PCDH15: variants seen among roughly 807,000 people sequenced by gnomAD.
PCDH15 encodes protocadherin related 15.
PCDH15 carries 129 observed loss-of-function variants against 178.5 expected under a neutral mutation model. That is an observed-to-expected ratio of 0.72 (90% CI 0.63 to 0.84). The LOEUF (loss-of-function observed/expected upper bound fraction) is 0.84, where lower values mean the gene tolerates loss of function less well. Ranked by LOEUF, PCDH15 falls within the 40% of genes least tolerant of loss-of-function variation. The pLI, the probability that PCDH15 is intolerant of heterozygous loss-of-function variation, is 0.00. For missense variants in PCDH15, 2,230 were observed against 2,099.9 expected (o/e 1.06, Z -1.21); for synonymous variants, 800 against 732.0 (o/e 1.09, Z -1.50).
intron 2 of PCDH15, among the ~76,000 whole-genome samples, chr10:54,625,028 G>A (rs1286697626): frequency 6.6e-6 from 1 of 152,024 alleles, no homozygotes; most frequent in African/African-American, 2.4e-5. Flanking sequence ...CACCCCACTG[G>A]GTCCGTAGAA....
chr10:54,867,329 G>A (rs1953959204), intron 3 of PCDH15, among the ~76,000 whole-genome samples: 1 of 152,056 alleles, frequency 6.6e-6, no homozygotes, highest in African/African-American at 2.4e-5. Flanking sequence ...TTTACTTTTG[G>A]CTTTCTTTAA....
rs1327628867 is a variant in PCDH15 at position 53,809,311 on chromosome 10, T to A, written c.4671+1245A>T. The A allele has an allele frequency of 5.0e-6, 8 of 1,613,828 alleles. No individual in the cohort carries two copies. The highest frequency in any genetic ancestry group is 5.9e-6 in the Non-Finnish European group (7 of 1,179,878). On this transcript the variant is annotated intron_variant, in intron 37 of 37. Coordinates refer to ENST00000644397, the MANE Select transcript of PCDH15 (RefSeq NM_001384140.1). ...TTGGTCCAGAGTGAGTTTCAAATAA[T>A]CTTTATCTTCTTCCTCAAGGCGTCT...
Position 54,183,433 on chromosome 10 carries a change from T to A in PCDH15, c.1590+11A>T. The A allele has an allele frequency of 6.2e-7, 1 of 1,602,002 alleles. No homozygotes were observed. Among genetic ancestry groups the A allele is most frequent in the Non-Finnish European group, 8.6e-7 (1 of 1,169,092 alleles). ...GCTTTGAGTGTACACTTATATTATG[T>A]GAGTAGTTACCTGTATGACACTGTC... is the stretch of plus-strand genomic sequence containing the variant. On this transcript the variant is annotated intron_variant, in intron 13 of 37. Transcript: ENST00000644397.
At chr10:54,281,090 A>G (rs1340430795) in intron 8 of PCDH15, among the ~76,000 whole-genome samples, 3 of 151,892 alleles carry the variant, frequency 2.0e-5, no homozygotes, top group East Asian at 3.9e-4. Context: ...TACTTTGCCA[A>G]TATGCCCCAA....
chr10:54,079,355 T>C lies in PCDH15; in HGVS notation c.2067A>G (p.Thr689=), dbSNP rs538304958. The change falls in exon 17 of 38, where the codon ACA becomes ACG. Residue 689 remains threonine (T), a synonymous_variant. Coordinates refer to ENST00000644397, the MANE Select transcript of PCDH15 (RefSeq NM_001384140.1). ...CCCCATCTGGCCTGCCATCTGAAGCTGTGATGATCAGAATGTAGCGATCAG... is the reference window on the plus strand; with the variant it reads ...CCCCATCTGGCCTGCCATCTGAAGCCGTGATGATCAGAATGTAGCGATCAG... ...ESTDRYILII[T]ASDGRPDGTS... The C allele has an allele frequency of 2.5e-6, 4 of 1,614,132 alleles. No individual in the cohort carries two copies. The African/African-American group carries it at 5.3e-5, about 22-fold the overall frequency.
At chr10:54,837,775 T>C (rs998847011) in intron 3 of PCDH15, among the ~76,000 whole-genome samples, 5 of 152,098 alleles carry the variant, frequency 3.3e-5, no homozygotes, top group Non-Finnish European at 5.9e-5. Flanking sequence ...GGAATCGAGA[T>C]ACAAGGCTGC....
intron 3 of PCDH15, among the ~76,000 whole-genome samples, chr10:54,833,689 C>T (rs1953265254): frequency 6.6e-6 from 1 of 152,188 alleles, no homozygotes; most frequent in South Asian, 2.1e-4. Context: ...TTGCTCTCCC[C>T]TGTTAGTCTC....
intron 9 of PCDH15, among the ~76,000 whole-genome samples, chr10:54,232,770 C>A (rs968825902): frequency 1.3e-5 from 2 of 151,954 alleles, no homozygotes; most frequent in African/African-American, 4.8e-5. Flanking sequence ...CTCTTTTATT[C>A]CTGGTCAGTC....
intron 2 of PCDH15, among the ~76,000 whole-genome samples, chr10:55,121,230 C>T (rs570054693): frequency 1.8e-4 from 28 of 152,116 alleles, no homozygotes; most frequent in African/African-American, 6.7e-4. Context: ...ATGTTGTTTA[C>T]CTTGTTGGGT....
At chr10:54,552,870 G>GT (rs1412637916) in intron 2 of PCDH15, among the ~76,000 whole-genome samples, 1 of 152,064 alleles carries the variant, frequency 6.6e-6, no homozygotes, top group Non-Finnish European at 1.5e-5. Flanking sequence ...GAACTTCACT[G>GT]TTTTTTATTT....
At chr10:53,821,834 C>A in intron 32 of PCDH15, 2 of 1,610,616 alleles carry the variant, frequency 1.2e-6, no homozygotes, top group South Asian at 1.1e-5. Context: ...AGAGGTTTGC[C>A]CGACTAAAAT....
chr10:53,945,624 T>C (rs1321244827), intron 23 of PCDH15, among the ~76,000 whole-genome samples: 2 of 151,818 alleles, frequency 1.3e-5, no homozygotes, highest in East Asian at 3.9e-4. Context: ...AGTTCAGCTG[T>C]TTTAGATTCC....
chr10:54,700,705 G>A (rs1479463226), intron 1 of PCDH15, among the ~76,000 whole-genome samples: 3 of 151,998 alleles, frequency 2.0e-5, no homozygotes, highest in Non-Finnish European at 4.4e-5. Context: ...GAGAACTATG[G>A]GATTATGTAA....
chr10:54,777,819 T>A (rs1196833331), intron 1 of PCDH15, among the ~76,000 whole-genome samples: 1 of 152,136 alleles, frequency 6.6e-6, no homozygotes, highest in Non-Finnish European at 1.5e-5. Context: ...AAAGTATTGG[T>A]AATTTATAGC....
At chr10:54,224,748 C>T (rs540386829) in intron 9 of PCDH15, among the ~76,000 whole-genome samples, 2 of 152,036 alleles carry the variant, frequency 1.3e-5, no homozygotes, top group African/African-American at 4.8e-5. Context: ...TCATTATTTT[C>T]TTCCATTAAT....
chr10:54,236,350 T>C (rs1460990352), intron 9 of PCDH15, among the ~76,000 whole-genome samples: 2 of 152,160 alleles, frequency 1.3e-5, no homozygotes. Flanking sequence ...TAATATTTCG[T>C]GTTCCCTTGG....
At chr10:55,266,640 G>A (rs540086386) in intron 1 of PCDH15, among the ~76,000 whole-genome samples, 17 of 152,290 alleles carry the variant, frequency 1.1e-4, no homozygotes, top group Admixed American at 6.5e-4. Flanking sequence ...GCTGGAGGTC[G>A]AGAGGAACAC....
At chr10:53,930,639 G>T (rs180674994) in intron 25 of PCDH15, among the ~76,000 whole-genome samples, 3 of 152,092 alleles carry the variant, frequency 2.0e-5, no homozygotes, top group Admixed American at 2.0e-4. Flanking sequence ...CTCAGCAAAG[G>T]AGGACCTTCA....
At chr10:55,341,938 T>C (rs1469016789) in intron 2 of PCDH15, among the ~76,000 whole-genome samples, 1 of 148,310 alleles carries the variant, frequency 6.7e-6, no homozygotes, top group African/African-American at 2.5e-5. Context: ...GGAGCCACCC[T>C]TCCCGGACAC....
Sources: gnomAD v4.1 joint callset for allele counts (sites outside exome capture counted in the v4.1 genomes callset) on GRCh38, gnomAD v4.1.1 for gene constraint, MANE v1.5 for transcripts, NCBI Gene and HGNC (gene_info 2026-07-23, HGNC 2026-07-21) for gene names.